EML6: variants seen among roughly 807,000 people sequenced by gnomAD.
EML6 encodes EMAP like 6.
EML6 carries 154 observed loss-of-function variants against 240.1 expected under a neutral mutation model. The observed-to-expected ratio is 0.64, with a 90% CI of 0.56 to 0.73. The LOEUF (loss-of-function observed/expected upper bound fraction) is 0.73, where lower values mean the gene tolerates loss of function less well. EML6 is among the 30% of genes least tolerant of loss of function. EML6 has a pLI of 0.00. For missense variants in EML6, 2,964 were observed against 2,474.6 expected, an observed-to-expected ratio of 1.20 and a Z score of -4.20; for synonymous variants, 1,148 against 899.0, an observed-to-expected ratio of 1.28 and a Z score of -4.95.
At chr2:54,896,050 A>G (rs1177112881) in intron 21 of EML6, among the ~76,000 whole-genome samples, 2 of 152,198 alleles carry the variant, frequency 1.3e-5, no homozygotes, top group Non-Finnish European at 2.9e-5. Context: ...GAGTGTGAAA[A>G]CACAAGAGGA....
chr2:54,903,070 G>A lies in EML6; in HGVS notation c.3151G>A (p.Asp1051Asn). 6.4e-7 allele frequency: 1 copy of A among 1,551,730 alleles called. No individual in the cohort carries two copies. Among genetic ancestry groups the A allele is most frequent in the South Asian group, 1.2e-5 (1 of 84,052 alleles). Residue 1051 changes from aspartate to asparagine, a missense_variant, in exon 23 of 42, where the codon GAT (aspartate) becomes AAT (asparagine). Asp to Asn is a conservative substitution (Grantham distance 23). Transcript: ENST00000356458. ...TGGAAGATGCTGTGCCTTTTCCCCT[G>A]ATGGGAAAGCCTTAGCGGTTGGCTT... is the stretch of plus-strand genomic sequence containing the variant. ...KGGRCCAFSP[D>N]GKALAVGLND...
Position 54,902,298 on chromosome 2 carries a change from C to G in EML6, c.3125-746C>G, listed in dbSNP as rs111376774. On this transcript the variant is annotated intron_variant, in intron 22 of 41. Coordinates refer to ENST00000356458, the MANE Select transcript of EML6 (RefSeq NM_001039753.4). The stretch of plus-strand genomic sequence containing the variant: ...TTACCCCACTTATTTTTTGGAAACC[C>G]CAGGTATTTAAATACTCATAAATGA... Among the ~76,000 whole-genome samples the G allele has an allele frequency of 7.8e-4, 118 of 152,192 alleles. 1 individual carries two copies. Among genetic ancestry groups the G allele is most frequent in the African/African-American group, 2.7e-3 (113 of 41,518 alleles).
intron 9 of EML6, among the ~76,000 whole-genome samples, chr2:54,849,640 C>T (rs1669962986): frequency 1.3e-5 from 2 of 152,198 alleles, no homozygotes; most frequent in Admixed American, 6.5e-5. Flanking sequence ...AGGCGCCTGC[C>T]ACCACGGCCG....
At chr2:54,911,081 G>C in intron 25 of EML6, 39 bp downstream of exon 25, 1 of 1,114,612 alleles carries the variant, frequency 9.0e-7, no homozygotes, top group Non-Finnish European at 1.3e-6. Flanking sequence ...GATATTTTGT[G>C]AAGATTTAAT....
intron 2 of EML6, among the ~76,000 whole-genome samples, chr2:54,793,372 A>G (rs936051904): frequency 1.0e-4 from 14 of 135,936 alleles, no homozygotes; most frequent in Admixed American, 1.5e-4. Flanking sequence ...TAAGGTAAAT[A>G]TGTATGAGTA....
At chr2:54,968,642 C>T (rs902280932) in intron 40 of EML6, 26 bp from the exon 41 acceptor site, 13 of 1,400,422 alleles carry the variant, frequency 9.3e-6, no homozygotes, top group Non-Finnish European at 1.3e-5. Flanking sequence ...GGTCTCTTAG[C>T]TGTCTCCATT....
chr2:54,815,044 C>T (rs2104065039), intron 3 of EML6, among the ~76,000 whole-genome samples: 1 of 152,304 alleles, frequency 6.6e-6, no homozygotes, highest in East Asian at 1.9e-4. Flanking sequence ...TGGTATGCAC[C>T]TTCTCTAATC....
At chr2:54,794,063 G>C (rs1669621093) in intron 2 of EML6, among the ~76,000 whole-genome samples, 1 of 152,200 alleles carries the variant, frequency 6.6e-6, no homozygotes, top group South Asian at 2.1e-4. Context: ...TTTGCTGGCA[G>C]TGTACTAAGT....
chr2:54,850,880 C>CT, intron 10 of EML6, among the ~76,000 whole-genome samples: 2 of 152,280 alleles, frequency 1.3e-5, no homozygotes, highest in Middle Eastern at 3.4e-3. Context: ...ATAAATTAAA[C>CT]TAGAGCTACT....
At chr2:54,732,178 GT>G (rs573260352) in intron 2 of EML6, among the ~76,000 whole-genome samples, 1 of 150,856 alleles carries the variant, frequency 6.6e-6, no homozygotes, top group African/African-American at 2.4e-5. Context: ...AGTTCTAAGA[GT>G]TTTTTTACAT....
At chr2:54,934,013 T>C in intron 28 of EML6, among the ~76,000 whole-genome samples, 1 of 152,108 alleles carries the variant, frequency 6.6e-6, no homozygotes, top group African/African-American at 2.4e-5. Context: ...GGAGGGAGAA[T>C]GAGACAACAC....
In EML6 at chr2:54,948,744, C is replaced by CT. The variant is rs578136091; in HGVS notation, c.4005-137dup. On this transcript the variant is annotated intron_variant, in intron 28 of 41. Coordinates refer to ENST00000356458, the MANE Select transcript of EML6 (RefSeq NM_001039753.4). ...CGGGGAGTGAGAGAGGAGGGCAGGA[C>CT]TGAACAGATCCAAGTGGAGGGGCCT... 148 of 661,830 alleles carry CT rather than the reference C, an allele frequency of 2.2e-4. No individual in the cohort carries two copies. In the African/African-American group the frequency reaches 2.2e-3, roughly 10 times the overall value. The allele number at this position is 661,830 out of a possible 1,614,324, so 41.0% of individuals were successfully genotyped here.
intron 26 of EML6, 88 bp downstream of exon 26, chr2:54,917,023 G>C (rs188049762): frequency 2.9e-6 from 3 of 1,018,582 alleles, no homozygotes; most frequent in Middle Eastern, 2.7e-4. Flanking sequence ...AAAATTTGAA[G>C]TCATAAGCAA....
At chr2:54,798,355 A>C (rs574912475) in intron 2 of EML6, among the ~76,000 whole-genome samples, 1 of 151,996 alleles carries the variant, frequency 6.6e-6, no homozygotes, top group East Asian at 1.9e-4. Context: ...TTGTATCTTT[A>C]GTAGAGATGG....
intron 28 of EML6, among the ~76,000 whole-genome samples, chr2:54,936,848 C>T (rs906759293): frequency 6.6e-6 from 1 of 152,026 alleles, no homozygotes; most frequent in Non-Finnish European, 1.5e-5. Flanking sequence ...AGCTGCATAA[C>T]TTATGGCCAA....
At chr2:54,844,019 T>G (rs1441787933) in intron 7 of EML6, 28 bp from the exon 8 acceptor site, 2 of 1,353,050 alleles carry the variant, frequency 1.5e-6, no homozygotes, top group Admixed American at 2.1e-5. Flanking sequence ...GTGTGAAGAT[T>G]TGCTTTTGTT....
At chr2:54,886,081 T>C (rs1672116078) in intron 17 of EML6, among the ~76,000 whole-genome samples, 3 of 151,608 alleles carry the variant, frequency 2.0e-5, no homozygotes, top group Admixed American at 2.0e-4. Context: ...ATGAACCTTC[T>C]GTACCCATCA....
At chr2:54,843,993 T>TGTGAATA in intron 7 of EML6, 54 bp from the exon 8 acceptor site, 1 of 1,108,764 alleles carries the variant, frequency 9.0e-7, no homozygotes, top group East Asian at 2.6e-5. Flanking sequence ...TGTGTGTGTG[T>TGTGAATA]GTGTGTGTGT....
chr2:54,942,331 A>T (rs1020856795), intron 28 of EML6, among the ~76,000 whole-genome samples: 6 of 152,222 alleles, frequency 3.9e-5, no homozygotes, highest in African/African-American at 1.4e-4. Context: ...GAACACTTCA[A>T]AAATATGTAA....
Sources: allele counts gnomAD v4.1 joint callset (sites outside exome capture counted in the v4.1 genomes callset), GRCh38; gene constraint gnomAD v4.1.1; transcripts MANE v1.5; gene names NCBI Gene and HGNC (gene_info 2026-07-23, HGNC 2026-07-21).